Variants in PDPN observed in about 807,000 individuals in gnomAD.
The protein encoded by PDPN is PA2.26 antigen.
A neutral mutation model predicts 23.2 loss-of-function variants in PDPN; 12 were observed. That is an observed-to-expected ratio of 0.52 (90% CI 0.33 to 0.84). The LOEUF is 0.84. Ranked by LOEUF, PDPN falls within the 40% of genes least tolerant of loss-of-function variation. The pLI is 0.02. For synonymous variants in PDPN, 77 were observed against 76.7 expected, an observed-to-expected ratio of 1.00 and a Z score of -0.02; for missense variants, 199 against 212.2, an observed-to-expected ratio of 0.94 and a Z score of 0.39.
Position 13,614,382 on chromosome 1 carries a change from G to A in PDPN, c.453G>A (p.Val151=), listed in dbSNP as rs991958189. Residue 151 remains valine (V), a synonymous_variant, in exon 5 of 6, where the codon GTG becomes GTA. Coordinates refer to ENST00000621990, the MANE Select transcript of PDPN (RefSeq NM_006474.5). ...AIGFIGAIIV[V]VMRKMSGRYS... ...GCTTCATTGGTGCAATCATCGTTGT[G>A]GTTATGCGAAAAATGTCGGGAAGGT... The A allele has an allele frequency of 5.0e-6, 8 of 1,599,640 alleles. No homozygotes were observed. The highest frequency in any genetic ancestry group is 6.9e-6 in the Non-Finnish European group (8 of 1,166,888).
At chr1:13,589,317 T>C (rs1200266923) in intron 1 of PDPN, among the ~76,000 whole-genome samples, 1 of 152,238 alleles carries the variant, frequency 6.6e-6, no homozygotes, top group Non-Finnish European at 1.5e-5. Context: ...AACAGTTTCC[T>C]GTTCTAAATA....
At chr1:13,584,167 ATGCCCGGGCC>A in intron 1 of PDPN, 67 bp downstream of exon 1, 1 of 1,571,830 alleles carries the variant, frequency 6.4e-7, no homozygotes, top group Non-Finnish European at 8.7e-7. Flanking sequence ...ACTTGCTGGA[ATGCCCGGGCC>A]TGGTATTCGA....
At chr1:13,594,009 A>G (rs1464579909) in intron 1 of PDPN, among the ~76,000 whole-genome samples, 1 of 152,136 alleles carries the variant, frequency 6.6e-6, no homozygotes, top group Non-Finnish European at 1.5e-5. Context: ...ATGTTGAGTA[A>G]TCTTGGTTGA....
chr1:13,609,394 A>T (rs1640876366), intron 2 of PDPN, among the ~76,000 whole-genome samples: 1 of 152,204 alleles, frequency 6.6e-6, no homozygotes, highest in Admixed American at 6.5e-5. Context: ...GCTTGGAACC[A>T]TGCTGGGCCC....
chr1:13,591,352 T>TA (rs1435867000), intron 1 of PDPN, among the ~76,000 whole-genome samples: 2 of 152,218 alleles, frequency 1.3e-5, no homozygotes, highest in African/African-American at 4.8e-5. Flanking sequence ...TTTAAATTGA[T>TA]ATGTAATTCA....
Position 13,616,068 on chromosome 1 carries a change from G to A in PDPN, c.*157G>A, listed in dbSNP as rs1360704335. On this transcript the variant is annotated 3_prime_UTR_variant, in exon 6 of 6. Transcript: ENST00000621990. Reference sequence around the variant, plus strand: ...GACCTCTCCGCTTGCCAAAATAACCGAAGGAAAGACCGTTCACCAGACTTG... The same window carrying A: ...GACCTCTCCGCTTGCCAAAATAACCAAAGGAAAGACCGTTCACCAGACTTG... 13 of 685,700 alleles carry A rather than the reference G, an allele frequency of 1.9e-5. No individual in the cohort carries two copies. The highest frequency in any genetic ancestry group is 3.5e-5 in the South Asian group (2 of 56,548). 42.5% of individuals were successfully genotyped at this position (685,700 alleles called of 1,614,324 possible). A position where few individuals can be genotyped will look rare whatever the true frequency, so the allele number is the denominator to read the frequency against.
At chr1:13,600,211 G>A (rs1225948147) in intron 1 of PDPN, among the ~76,000 whole-genome samples, 1 of 152,152 alleles carries the variant, frequency 6.6e-6, no homozygotes, top group African/African-American at 2.4e-5. Context: ...CAGAACCCAG[G>A]GAGGGAGGCA....
chr1:13,615,967 C>G lies in PDPN; in HGVS notation c.*56C>G. On this transcript the variant is annotated 3_prime_UTR_variant, in exon 6 of 6. Coordinates refer to ENST00000621990, the MANE Select transcript of PDPN (RefSeq NM_006474.5). ...GTGCTTAAAAAAAGACCGTTTCTGA[C>G]TCTGTGCCCTGTCCCTGAGCTCGTG... 1.3e-6 allele frequency: 2 copies of G among 1,551,092 alleles called. No homozygotes were observed. Among genetic ancestry groups the G allele is most frequent in the South Asian group, 2.2e-5 (2 of 89,838 alleles).
chr1:13,598,138 C>A (rs1048954734), intron 1 of PDPN, among the ~76,000 whole-genome samples: 1 of 152,090 alleles, frequency 6.6e-6, no homozygotes, highest in African/African-American at 2.4e-5. Flanking sequence ...GTCTCAGCCT[C>A]CCAAGTAGCT....
chr1:13,614,076 A>G (rs759952552), intron 4 of PDPN, among the ~76,000 whole-genome samples: 1 of 152,176 alleles, frequency 6.6e-6, no homozygotes, highest in Non-Finnish European at 1.5e-5. Context: ...GCCAATGTGA[A>G]TGTTACGTTG....
At chr1:13,607,831 G>A (rs60747229) in intron 2 of PDPN, among the ~76,000 whole-genome samples, 1,877 of 152,292 alleles carry the variant, frequency 0.012, 39 homozygotes, top group African/African-American at 0.043. Context: ...TCAGCCGGGC[G>A]TGGTGGCTCA....
chr1:13,607,983 T>C (rs12133020), intron 2 of PDPN, among the ~76,000 whole-genome samples: 2,084 of 152,172 alleles, frequency 0.014, 28 homozygotes, highest in East Asian at 0.049. Context: ...TGTGCACCTG[T>C]GATCCCAGCT....
intron 1 of PDPN, among the ~76,000 whole-genome samples, chr1:13,586,721 A>G (rs945836929): frequency 3.3e-5 from 5 of 150,488 alleles, no homozygotes; most frequent in African/African-American, 1.2e-4. Flanking sequence ...AAATATGTCT[A>G]ACTTCAAACC....
chr1:13,589,818 T>TATTTATTG (rs1553143691), intron 1 of PDPN, among the ~76,000 whole-genome samples: 2 of 133,382 alleles, frequency 1.5e-5, no homozygotes, highest in Non-Finnish European at 3.2e-5. Context: ...AAACCACTTG[T>TATTTATTG]ATTGATTGAT....
intron 1 of PDPN, among the ~76,000 whole-genome samples, chr1:13,599,611 C>T (rs1424665330): frequency 4.0e-5 from 6 of 151,850 alleles, no homozygotes; most frequent in African/African-American, 7.3e-5. Context: ...TTCAAACTCC[C>T]GACCTCAAGT....
chr1:13,603,133 C>T (rs1363480333), intron 1 of PDPN, among the ~76,000 whole-genome samples: 1 of 151,988 alleles, frequency 6.6e-6, no homozygotes, highest in African/African-American at 2.4e-5. Context: ...AAAAGAAATG[C>T]CCACTTTGGG....
intron 1 of PDPN, among the ~76,000 whole-genome samples, chr1:13,585,188 G>C (rs1465088354): frequency 6.6e-6 from 1 of 152,130 alleles, no homozygotes; most frequent in South Asian, 2.1e-4. Context: ...AAAAATTGAG[G>C]ATCAAGGTAG....
At chr1:13,607,996 T>C (rs1640834767) in intron 2 of PDPN, among the ~76,000 whole-genome samples, 1 of 152,076 alleles carries the variant, frequency 6.6e-6, no homozygotes, top group African/African-American at 2.4e-5. Flanking sequence ...TCCCAGCTGC[T>C]CGGGAGGCTG....
intron 1 of PDPN, chr1:13,584,486 C>A: frequency 3.4e-6 from 2 of 580,544 alleles, no homozygotes; most frequent in Non-Finnish European, 5.9e-6. Flanking sequence ...ACGCACGCCT[C>A]GGGAGAAGCT....
Sources: allele counts gnomAD v4.1 joint callset (sites outside exome capture counted in the v4.1 genomes callset), GRCh38; gene constraint gnomAD v4.1.1; transcripts MANE v1.5; gene names NCBI Gene and HGNC (gene_info 2026-07-23, HGNC 2026-07-21).